Variants in GRIA3 observed in about 807,000 individuals in gnomAD.
The protein encoded by GRIA3 is glutamate receptor 3.
GRIA3 carries 3 observed loss-of-function variants against 63.0 expected under a neutral mutation model. The ratio of observed to expected loss-of-function variants is 0.05; its 90% CI spans 0.02 to 0.12. GRIA3 has a LOEUF of 0.12. Among genes scored for constraint, GRIA3 ranks in the 10% least tolerant of loss-of-function variants. The probability of loss-of-function intolerance (pLI) is 1.00; values close to 1 mark genes in which losing one functional copy is unlikely to be tolerated. For synonymous variants in GRIA3, 274 were observed against 257.9 expected (o/e 1.06, Z -0.60); for missense variants, 347 against 700.9 (o/e 0.50, Z 5.70).
intron 11 of GRIA3, among the ~76,000 whole-genome samples, chrX:123,426,494 C>A (rs1356597428): frequency 8.9e-6 from 1 of 111,915 alleles, no homozygotes; most frequent in African/African-American, 3.3e-5. Context: ...GGTCTTGAAG[C>A]CTAGGCAAGG....
intron 3 of GRIA3, among the ~76,000 whole-genome samples, chrX:123,323,203 C>T (rs1312437941): frequency 2.7e-5 from 3 of 111,960 alleles, no homozygotes; most frequent in African/African-American, 9.7e-5. Context: ...AGATAACAGC[C>T]AATTCCTTCA....
At chrX:123,307,709 C>T (rs1244149563) in intron 3 of GRIA3, among the ~76,000 whole-genome samples, 1 of 110,624 alleles carries the variant, frequency 9.0e-6, no homozygotes, top group African/African-American at 3.3e-5. Flanking sequence ...GGATTCAGTC[C>T]AGCATCTTCA....
In GRIA3 at chrX:123,435,201, T is replaced by C. The variant is rs189037559; in HGVS notation, c.2076+7062T>C. 4.5e-5 allele frequency among the ~76,000 whole-genome samples: 5 copies of C among 112,244 alleles called. No homozygotes were observed. In the Admixed American group the frequency reaches 4.7e-4, roughly 11 times the overall value. ...CCCAGCATGGGCCAATCTCTGGGTATGCTCCATGGTGACTTAGCAGCAGGG... is the reference window on the plus strand; with the variant it reads ...CCCAGCATGGGCCAATCTCTGGGTACGCTCCATGGTGACTTAGCAGCAGGG... On this transcript the variant is annotated intron_variant, in intron 12 of 15. Coordinates refer to ENST00000620443, the MANE Select transcript of GRIA3 (RefSeq NM_007325.5).
At chrX:123,360,470 C>T (rs1365769773) in intron 5 of GRIA3, among the ~76,000 whole-genome samples, 3 of 95,450 alleles carry the variant, frequency 3.1e-5, no homozygotes, top group African/African-American at 1.2e-4. Context: ...ATCACGAGGT[C>T]AGCAGTTCAA....
intron 2 of GRIA3, among the ~76,000 whole-genome samples, chrX:123,210,354 A>C (rs141979431): frequency 0.1 from 11,152 of 109,939 alleles, 779 homozygotes; most frequent in East Asian, 0.38. Context: ...TGCCAAATCC[A>C]AGAGCTGTTT....
At chrX:123,469,820 G>A (rs1200890580) in intron 13 of GRIA3, among the ~76,000 whole-genome samples, 1 of 111,893 alleles carries the variant, frequency 8.9e-6, no homozygotes, top group Non-Finnish European at 1.9e-5. Context: ...AGGCACATCA[G>A]CCTCCTTCTG....
intron 2 of GRIA3, among the ~76,000 whole-genome samples, chrX:123,231,450 G>A (rs2044275779): frequency 9.0e-6 from 1 of 111,334 alleles, no homozygotes; most frequent in Admixed American, 9.5e-5. Flanking sequence ...TAAATTTCTT[G>A]AGCAACCACT....
At chrX:123,296,925 C>G (rs1233486706) in intron 3 of GRIA3, among the ~76,000 whole-genome samples, 1 of 111,219 alleles carries the variant, frequency 9.0e-6, no homozygotes, top group African/African-American at 3.3e-5. Flanking sequence ...ATTTTTTATC[C>G]CATGAGAATA....
chrX:123,253,623 C>T, intron 3 of GRIA3, 81 bp downstream of exon 3: 2 of 795,730 alleles, frequency 2.5e-6, no homozygotes, highest in African/African-American at 2.0e-5. Flanking sequence ...CCCTTTGCTT[C>T]CAATAAATAA....
chrX:123,467,982 T>C (rs757013707), intron 13 of GRIA3, among the ~76,000 whole-genome samples: 1 of 112,304 alleles, frequency 8.9e-6, no homozygotes, highest in Non-Finnish European at 1.9e-5. Context: ...AGAAAAATAT[T>C]TCAGTAGATC....
chrX:123,184,392 G>C lies in GRIA3; in HGVS notation c.-144G>C, dbSNP rs995497492. The C allele has an allele frequency of 5.6e-5, 30 of 534,342 alleles. No homozygotes were observed. In the East Asian group the frequency reaches 9.7e-4, roughly 17 times the overall value. The allele number at this position is 534,342 out of a possible 1,213,427, so 44.0% of individuals were successfully genotyped here. ...CGGCAGCGGAGGAGGAGGAGGACTAGTGTGGGGTGGAAAGGAAGAGTGAGC... is the reference window on the plus strand; with the variant it reads ...CGGCAGCGGAGGAGGAGGAGGACTACTGTGGGGTGGAAAGGAAGAGTGAGC... On this transcript the variant is annotated 5_prime_UTR_variant, in exon 1 of 16. Transcript: ENST00000620443.
At chrX:123,311,557 C>T (rs761683939) in intron 3 of GRIA3, among the ~76,000 whole-genome samples, 1 of 112,309 alleles carries the variant, frequency 8.9e-6, no homozygotes, top group South Asian at 3.7e-4. Flanking sequence ...GAAGAAACCG[C>T]TGCTTTGGAG....
At chrX:123,471,428 G>C (rs1425575542) in intron 13 of GRIA3, among the ~76,000 whole-genome samples, 1 of 111,987 alleles carries the variant, frequency 8.9e-6, no homozygotes, top group Non-Finnish European at 1.9e-5. Flanking sequence ...ATTATTATTT[G>C]CCTTTGGTGT....
chrX:123,476,818 C>T (rs7884561), intron 13 of GRIA3, among the ~76,000 whole-genome samples: 1,275 of 111,304 alleles, frequency 0.011, 17 homozygotes, highest in African/African-American at 0.039. Context: ...GGTCTGGATA[C>T]TCAAAGGCAG....
intron 2 of GRIA3, among the ~76,000 whole-genome samples, chrX:123,240,199 G>C (rs1328990202): frequency 8.9e-6 from 1 of 111,961 alleles, no homozygotes; most frequent in African/African-American, 3.2e-5. Flanking sequence ...TTGTCAGATG[G>C]ACATCTCAGC....
At chrX:123,370,738 G>GTA (rs763958482) in intron 5 of GRIA3, among the ~76,000 whole-genome samples, 259 of 104,653 alleles carry the variant, frequency 2.5e-3, no homozygotes, top group African/African-American at 7.7e-3. Context: ...TACATCATAG[G>GTA]TATATATATA....
intron 5 of GRIA3, among the ~76,000 whole-genome samples, chrX:123,385,003 T>G (rs2045346509): frequency 8.9e-6 from 1 of 112,491 alleles, no homozygotes; most frequent in Non-Finnish European, 1.9e-5. Context: ...TTTAGTTTAA[T>G]TAGGTCCCAT....
chrX:123,340,937 G>A (rs926073924), intron 4 of GRIA3, among the ~76,000 whole-genome samples: 1 of 112,054 alleles, frequency 8.9e-6, no homozygotes, highest in Non-Finnish European at 1.9e-5. Flanking sequence ...CTTTTTGTTT[G>A]TTTATTTGTT....
rs1039186488 is a variant in GRIA3, at chrX:123,283,407, C to T, written c.508+29865C>T. 3.6e-5 allele frequency among the ~76,000 whole-genome samples: 4 copies of T among 111,197 alleles called. No individual in the cohort carries two copies. In the Admixed American group the frequency reaches 3.8e-4, roughly 11 times the overall value. On this transcript the variant is annotated intron_variant, in intron 3 of 15. Transcript: ENST00000620443. ...GCCAGCGAGACAGAACCATTCACTG[C>T]CCTGGAAAGGGGGCTGAAGCCAGAA...
Sources: allele counts gnomAD v4.1 joint callset (sites outside exome capture counted in the v4.1 genomes callset), GRCh38; gene constraint gnomAD v4.1.1; transcripts MANE v1.5; gene names NCBI Gene and HGNC (gene_info 2026-07-23, HGNC 2026-07-21).